Variants in TLN2 observed in about 807,000 individuals in gnomAD.
The protein encoded by TLN2 is talin-2.
TLN2 carries 118 observed loss-of-function variants against 294.7 expected under a neutral mutation model. The ratio of observed to expected loss-of-function variants is 0.40; its 90% confidence interval spans 0.34 to 0.47. The LOEUF (loss-of-function observed/expected upper bound fraction) is 0.47. TLN2 is among the 20% of genes least tolerant of loss of function. The pLI, the probability that TLN2 is intolerant of heterozygous loss-of-function variation, is 0.84. For missense variants in TLN2, 3,083 were observed against 3,282.2 expected (o/e 0.94, Z 1.48); for synonymous variants, 1,431 against 1,304.5 (o/e 1.10, Z -2.09).
At chr15:62,745,502 C>G (rs2061562374) in intron 32 of TLN2, among the ~76,000 whole-genome samples, 1 of 152,014 alleles carries the variant, frequency 6.6e-6, no homozygotes, top group African/African-American at 2.4e-5. Flanking sequence ...GTCCCTTCAC[C>G]TTTTAATATA....
intron 2 of TLN2, among the ~76,000 whole-genome samples, chr15:62,590,150 A>G (rs2045968071): frequency 1.3e-5 from 2 of 152,048 alleles, no homozygotes; most frequent in Admixed American, 1.3e-4. Context: ...AGAAACTTCT[A>G]GTGGTCTTTT....
intron 1 of TLN2, among the ~76,000 whole-genome samples, chr15:62,535,894 T>C (rs1034790584): frequency 6.6e-6 from 1 of 152,198 alleles, no homozygotes; most frequent in Admixed American, 6.5e-5. Flanking sequence ...ACAATAACTC[T>C]TATGTGTGTG....
intron 3 of TLN2, among the ~76,000 whole-genome samples, chr15:62,645,554 C>G (rs1196378392): frequency 6.6e-6 from 1 of 152,212 alleles, no homozygotes; most frequent in Non-Finnish European, 1.5e-5. Context: ...TCTCCTGTAT[C>G]CATGTGACCC....
chr15:62,804,435 A>C (rs2066139627), intron 50 of TLN2, among the ~76,000 whole-genome samples: 1 of 152,120 alleles, frequency 6.6e-6, no homozygotes, highest in Non-Finnish European at 1.5e-5. Context: ...ACATCTCTAC[A>C]AAAAATTAAA....
At chr15:62,489,934 C>G (rs1291048869) in intron 1 of TLN2, among the ~76,000 whole-genome samples, 2 of 152,216 alleles carry the variant, frequency 1.3e-5, no homozygotes, top group Admixed American at 6.5e-5. Context: ...AGCTCCTGCC[C>G]ACATTCTGAG....
At chr15:62,670,897 G>T (rs911622129) in intron 9 of TLN2, among the ~76,000 whole-genome samples, 1 of 152,118 alleles carries the variant, frequency 6.6e-6, no homozygotes, top group East Asian at 1.9e-4. Context: ...GTACATTCCC[G>T]CCAGCAGTGT....
chr15:62,613,622 A>G (rs8025409), intron 2 of TLN2, among the ~76,000 whole-genome samples: 72,700 of 151,966 alleles, frequency 0.48, 17,591 homozygotes, highest in East Asian at 0.58. Flanking sequence ...AGACTTTCAC[A>G]TGAACGTCAA....
intron 1 of TLN2, among the ~76,000 whole-genome samples, chr15:62,572,485 A>C (rs1017398482): frequency 6.6e-6 from 1 of 152,064 alleles, no homozygotes; most frequent in East Asian, 1.9e-4. Context: ...GGCTCAAGCT[A>C]TCCTCTCGCC....
Position 62,481,798 on chromosome 15 carries a change from C to CTTTTTTT in TLN2, c.-238+91124_-238+91130dup, listed in dbSNP as rs60002079. ...ATATTATTTTTCTTTTTCTTTCTTT[C>CTTTTTTT]TTTTTTTTTTTTTTTTTAAGACGGA... On this transcript the variant is annotated intron_variant, in intron 1 of 58. Transcript: ENST00000636159. 6.1e-4 allele frequency among the ~76,000 whole-genome samples: 70 copies of CTTTTTTT among 115,668 alleles called. 2 individuals are homozygous for CTTTTTTT. The highest frequency in any genetic ancestry group is 1.6e-3 in the South Asian group (6 of 3,742). 75.9% of individuals were successfully genotyped at this position (115,668 alleles called of 152,430 possible). A position where few individuals can be genotyped will look rare whatever the true frequency, so the allele number is the denominator to read the frequency against.
At chr15:62,510,022 G>A (rs952172758) in intron 1 of TLN2, among the ~76,000 whole-genome samples, 44 of 152,294 alleles carry the variant, frequency 2.9e-4, no homozygotes, top group African/African-American at 1.1e-3. Flanking sequence ...TGTTTTTAGC[G>A]AATAGGGAAA....
intron 45 of TLN2, among the ~76,000 whole-genome samples, chr15:62,787,423 C>T (rs1021290191): frequency 2.0e-5 from 3 of 152,152 alleles, no homozygotes; most frequent in Non-Finnish European, 4.4e-5. Context: ...TTCATAAAGA[C>T]CAGGCTTTTA....
intron 38 of TLN2, 30 bp downstream of exon 38, chr15:62,761,851 A>G (rs1439477497): frequency 1.9e-6 from 3 of 1,611,814 alleles, no homozygotes; most frequent in South Asian, 1.1e-5. Flanking sequence ...ACATCATACT[A>G]AGGTCTTTGG....
intron 28 of TLN2, among the ~76,000 whole-genome samples, chr15:62,728,654 A>G (rs1436732658): frequency 6.6e-6 from 1 of 152,204 alleles, no homozygotes; most frequent in East Asian, 1.9e-4. Flanking sequence ...CCTGATGAAC[A>G]GTGCCATCGA....
intron 1 of TLN2, among the ~76,000 whole-genome samples, chr15:62,495,959 C>A (rs911383945): frequency 2.7e-4 from 40 of 147,344 alleles, no homozygotes; most frequent in Non-Finnish European, 3.9e-4. Context: ...AAAAAAAAAA[C>A]AAAAACCAAA....
chr15:62,760,360 GCCT>G (rs1410409311), intron 37 of TLN2, among the ~76,000 whole-genome samples: 1 of 152,146 alleles, frequency 6.6e-6, no homozygotes, highest in Non-Finnish European at 1.5e-5. Context: ...AACGGTGGCT[GCCT>G]CCTCTTGCTC....
intron 1 of TLN2, among the ~76,000 whole-genome samples, chr15:62,477,723 G>A (rs772563298): frequency 1.3e-5 from 2 of 152,052 alleles, no homozygotes; most frequent in Non-Finnish European, 2.9e-5. Context: ...GGCACTTGCA[G>A]TGAGATGTTG....
chr15:62,694,485 C>A, intron 14 of TLN2, 93 bp downstream of exon 14: 2 of 1,013,266 alleles, frequency 2.0e-6, no homozygotes, highest in Non-Finnish European at 3.1e-6. Flanking sequence ...TGAAGCCTGT[C>A]ACCTGGAGAA....
intron 1 of TLN2, among the ~76,000 whole-genome samples, chr15:62,392,134 TCTCGCAGCTCGTA>T (rs1284265537): frequency 6.6e-6 from 1 of 152,234 alleles, no homozygotes; most frequent in African/African-American, 2.4e-5. Flanking sequence ...CGTGTTCTGC[TCTCGCAGCTCGTA>T]GAGGCGAGGA....
chr15:62,739,704 G>T (rs1041477465), intron 31 of TLN2, among the ~76,000 whole-genome samples, 159 bp downstream of exon 31: 2 of 152,200 alleles, frequency 1.3e-5, no homozygotes, highest in Non-Finnish European at 2.9e-5. Flanking sequence ...GCCCTCATGG[G>T]AATGGCATTC....
Sources: allele counts gnomAD v4.1 joint callset (sites outside exome capture counted in the v4.1 genomes callset), GRCh38; gene constraint gnomAD v4.1.1; transcripts MANE v1.5; gene names NCBI Gene and HGNC (gene_info 2026-07-23, HGNC 2026-07-21).